Variants in MIPOL1 observed in about 807,000 individuals in gnomAD.
MIPOL1 encodes mirror-image polydactyly 1.
Under a neutral mutation model 60.9 loss-of-function variants are expected in MIPOL1, and 57 were observed. The observed-to-expected ratio is 0.94, with a 90% CI of 0.76 to 1.17. The LOEUF (loss-of-function observed/expected upper bound fraction) is 1.17, where lower values mean the gene tolerates loss of function less well. MIPOL1 is among the 50% of genes most tolerant of loss of function. The pLI is 0.00. For synonymous variants in MIPOL1, 179 were observed against 168.8 expected (o/e 1.06, Z -0.47); for missense variants, 551 against 511.6 (o/e 1.08, Z -0.74).
Position 37,309,023 on chromosome 14 carries a change from A to G in MIPOL1, c.828+504A>G, listed in dbSNP as rs191815911. ...TTACCTCCCTCAGGCCACTGCTTCC[A>G]GTGCAGTCCTTTCAACTAGTGGCTG... On this transcript the variant is annotated intron_variant, in intron 9 of 12. Coordinates refer to ENST00000684589, the MANE Select transcript of MIPOL1 (RefSeq NM_001388067.1). Among the ~76,000 whole-genome samples, 246 of 152,212 alleles carry G rather than the reference A, an allele frequency of 1.6e-3. 1 individual carries two copies. Among genetic ancestry groups the G allele is most frequent in the African/African-American group, 5.6e-3 (232 of 41,536 alleles).
chr14:37,234,942 ATTT>A (rs5807941), intron 1 of MIPOL1, among the ~76,000 whole-genome samples: 2,676 of 116,788 alleles, frequency 0.023, 72 homozygotes, highest in African/African-American at 0.082. Flanking sequence ...CGTACGGCTA[ATTT>A]TTTTTTTTTT....
intron 12 of MIPOL1, chr14:37,545,662 C>T (rs1013426644): frequency 1.6e-6 from 1 of 643,416 alleles, no homozygotes; most frequent in South Asian, 1.7e-5. Flanking sequence ...TTTTTGTTAA[C>T]AGAATTCTTG....
intron 10 of MIPOL1, among the ~76,000 whole-genome samples, chr14:37,377,514 G>A (rs748252811): frequency 2.6e-5 from 4 of 151,980 alleles, no homozygotes; most frequent in Non-Finnish European, 4.4e-5. Flanking sequence ...ACTTTTTGGG[G>A]GGCAAGATAA....
intron 11 of MIPOL1, among the ~76,000 whole-genome samples, chr14:37,477,464 G>T (rs1028485427): frequency 4.6e-5 from 7 of 152,030 alleles, no homozygotes; most frequent in African/African-American, 1.7e-4. Context: ...GTCTTTCACA[G>T]AATTGATCTC....
At chr14:37,377,216 A>C (rs2092800363) in intron 10 of MIPOL1, among the ~76,000 whole-genome samples, 1 of 152,168 alleles carries the variant, frequency 6.6e-6, no homozygotes, top group African/African-American at 2.4e-5. Context: ...ACACTGGAAA[A>C]GTTAAATACT....
intron 1 of MIPOL1, among the ~76,000 whole-genome samples, chr14:37,242,594 A>ATTTATAAATG (rs1972531383): frequency 1.3e-5 from 2 of 152,242 alleles, no homozygotes; most frequent in African/African-American, 4.8e-5. Context: ...CCAGTTCTCT[A>ATTTATAAATG]TTGACGGACA....
At chr14:37,265,852 T>C (rs980768058) in intron 3 of MIPOL1, among the ~76,000 whole-genome samples, 3 of 152,124 alleles carry the variant, frequency 2.0e-5, no homozygotes, top group African/African-American at 7.2e-5. Context: ...GATAGTCTGA[T>C]TTGCAGAGCA....
chr14:37,205,614 C>A (rs10149427), intron 1 of MIPOL1, among the ~76,000 whole-genome samples: 1 of 152,080 alleles, frequency 6.6e-6, no homozygotes, highest in Non-Finnish European at 1.5e-5. Flanking sequence ...TGCTGTCCCC[C>A]GCCAGCTCCC....
chr14:37,503,821 A>G (rs2095248746), intron 12 of MIPOL1: 1 of 152,226 alleles, frequency 6.6e-6, no homozygotes, highest in African/African-American at 2.4e-5. Flanking sequence ...CAAATTGGAT[A>G]AAGAGTCAAG....
intron 1 of MIPOL1, among the ~76,000 whole-genome samples, chr14:37,230,371 A>G (rs933452272): frequency 2.6e-5 from 4 of 152,296 alleles, no homozygotes; most frequent in Admixed American, 6.5e-5. Context: ...CTGCTTTTGT[A>G]TATGTCTCTA....
At chr14:37,496,472 TGTA>T (rs1255036048) in intron 11 of MIPOL1, among the ~76,000 whole-genome samples, 1 of 115,794 alleles carries the variant, frequency 8.6e-6, no homozygotes, top group Non-Finnish European at 1.9e-5. Flanking sequence ...ACAAAATCAA[TGTA>T]CAAAAATCAC....
intron 7 of MIPOL1, among the ~76,000 whole-genome samples, chr14:37,293,695 G>A (rs1021591416): frequency 2.0e-5 from 3 of 152,254 alleles, no homozygotes; most frequent in Admixed American, 6.5e-5. Flanking sequence ...CTATGCCCAC[G>A]GAGCCTCTCT....
At position 37,523,324 on chromosome 14, in the gene MIPOL1, T is replaced by G. The variant is rs1006951222; in HGVS notation, c.1262+23186T>G. ...CCCTTTTGACTACTGGAAGTGGTTG[T>G]TTGTATTTTTTAAATGGTGATCTAG... On this transcript the variant is annotated intron_variant, in intron 12 of 12. Transcript: ENST00000684589. 7.1e-5 allele frequency: 22 copies of G among 310,784 alleles called. No homozygotes were observed. In the Admixed American group the frequency reaches 8.1e-4, roughly 11 times the overall value. The allele number at this position is 310,784 out of a possible 1,614,324, so 19.3% of individuals were successfully genotyped here. A position where few individuals can be genotyped will look rare whatever the true frequency, so the allele number is the denominator to read the frequency against.
At chr14:37,262,015 T>G (rs2153379280) in intron 3 of MIPOL1, among the ~76,000 whole-genome samples, 1 of 149,360 alleles carries the variant, frequency 6.7e-6, no homozygotes, top group African/African-American at 2.4e-5. Context: ...TACTATAATG[T>G]TATAGAAGTT....
At chr14:37,264,482 G>A (rs143143079) in intron 3 of MIPOL1, among the ~76,000 whole-genome samples, 1 of 151,954 alleles carries the variant, frequency 6.6e-6, no homozygotes, top group African/African-American at 2.4e-5. Context: ...AATTAGTGAG[G>A]CATGGCAACA....
At chr14:37,308,637 A>G in intron 9 of MIPOL1, 118 bp downstream of exon 9, 1 of 579,286 alleles carries the variant, frequency 1.7e-6, no homozygotes, top group Non-Finnish European at 2.8e-6. Context: ...TTAGCACATA[A>G]TTAATACCAC....
At chr14:37,399,949 A>G (rs911361724) in intron 10 of MIPOL1, 4 of 152,140 alleles carry the variant, frequency 2.6e-5, no homozygotes, top group African/African-American at 9.7e-5. Flanking sequence ...TTGATCACCC[A>G]CTGGAAAACT....
chr14:37,264,655 A>T (rs2082743642), intron 3 of MIPOL1, among the ~76,000 whole-genome samples: 2 of 151,982 alleles, frequency 1.3e-5, no homozygotes, highest in African/African-American at 4.8e-5. Context: ...ATAGTTATAG[A>T]AAGAATGGTT....
chr14:37,280,892 G>T lies in MIPOL1; in HGVS notation c.494-4426G>T, dbSNP rs192690633. ...CAGGCTAATTGTTATTGAATAGTTC[G>T]AGTTCCTTGTATATTTTTGGTATTA... is the stretch of plus-strand genomic sequence containing the variant. On this transcript the variant is annotated intron_variant, in intron 6 of 12. Coordinates refer to ENST00000684589, the MANE Select transcript of MIPOL1 (RefSeq NM_001388067.1). Among the ~76,000 whole-genome samples, 323 of 152,076 alleles carry T rather than the reference G, an allele frequency of 2.1e-3. 2 individuals carry two copies. The Middle Eastern group carries it at 0.027, about 13-fold the overall frequency.
Sources: gnomAD v4.1 joint callset for allele counts (sites outside exome capture counted in the v4.1 genomes callset) on GRCh38, gnomAD v4.1.1 for gene constraint, MANE v1.5 for transcripts, NCBI Gene and HGNC (gene_info 2026-07-23, HGNC 2026-07-21) for gene names.